The following ST8SIA6 variants were observed in gnomAD, a reference collection of about 807,000 sequenced individuals.
ST8SIA6 encodes alpha-2,8-sialyltransferase 8F.
Under a neutral mutation model 33.6 loss-of-function variants are expected in ST8SIA6, and 39 were observed. That is an observed-to-expected ratio of 1.16 (90% CI 0.90 to 1.52). The LOEUF (loss-of-function observed/expected upper bound fraction) is 1.52, where lower values mean the gene tolerates loss of function less well. ST8SIA6 is among the 40% of genes most tolerant of loss of function. The pLI, the probability that ST8SIA6 is intolerant of heterozygous loss-of-function variation, is 0.00. For missense variants in ST8SIA6, 441 were observed against 443.8 expected, an observed-to-expected ratio of 0.99 and a Z score of 0.06; for synonymous variants, 172 against 167.2, an observed-to-expected ratio of 1.03 and a Z score of -0.22.
chr10:17,399,982 CT>C (rs1850977572), intron 2 of ST8SIA6, among the ~76,000 whole-genome samples: 1 of 150,992 alleles, frequency 6.6e-6, no homozygotes, highest in Non-Finnish European at 1.5e-5. Context: ...TGTGTGAAAG[CT>C]TTTATTTTAC....
intron 4 of ST8SIA6, among the ~76,000 whole-genome samples, chr10:17,353,519 A>G (rs1288112212): frequency 1.3e-5 from 2 of 152,212 alleles, no homozygotes; most frequent in African/African-American, 4.8e-5. Context: ...CTGTTATTTT[A>G]GAAATATCAA....
intron 3 of ST8SIA6, among the ~76,000 whole-genome samples, chr10:17,367,230 T>C (rs147051988): frequency 6.6e-6 from 1 of 152,152 alleles, no homozygotes; most frequent in African/African-American, 2.4e-5. Context: ...GAACTCACAG[T>C]TCACCATGGC....
Position 17,320,962 on chromosome 10 carries a change from C to G in ST8SIA6, c.1113G>C (p.Gln371His). 1 of 1,614,088 alleles carries G rather than the reference C, an allele frequency of 6.2e-7. No homozygotes were observed. The highest frequency in any genetic ancestry group is 1.1e-5 in the South Asian group (1 of 91,084). Residue 371 changes from glutamine (Q) to histidine (H), a missense_variant, in exon 8 of 8, where the codon CAG becomes CAC. Physicochemically the swap from Gln to His is conservative, Grantham distance 24. Transcript: ENST00000377602. ...GGATCTGGCTGTATTCTTTGGGCAT[C>G]TGATGGAAACCATGTTTAGGTAGCT... ...DNKLPKHGFHQMPKEYSQILQ... is the reference protein window; with the variant it reads ...DNKLPKHGFHHMPKEYSQILQ...
chr10:17,425,210 A>G (rs997872312), intron 2 of ST8SIA6, among the ~76,000 whole-genome samples: 2 of 152,162 alleles, frequency 1.3e-5, no homozygotes, highest in Non-Finnish European at 2.9e-5. Flanking sequence ...CTCGAGTGGC[A>G]GGATACATGT....
At chr10:17,418,947 C>T (rs1260088681) in intron 2 of ST8SIA6, among the ~76,000 whole-genome samples, 5 of 139,748 alleles carry the variant, frequency 3.6e-5, no homozygotes, top group Admixed American at 1.5e-4. Context: ...GAGCGGAGAT[C>T]GTGCCACTGC....
intron 2 of ST8SIA6, among the ~76,000 whole-genome samples, chr10:17,450,883 A>AACACACACACAC (rs569111312): frequency 1.3e-5 from 2 of 151,134 alleles, no homozygotes; most frequent in Admixed American, 1.3e-4. Context: ...TGAATATTTG[A>AACACACACACAC]ACACACACAC....
intron 2 of ST8SIA6, among the ~76,000 whole-genome samples, chr10:17,422,058 T>G (rs995969585): frequency 1.3e-5 from 2 of 151,976 alleles, no homozygotes; most frequent in Non-Finnish European, 2.9e-5. Flanking sequence ...TACATAAAGA[T>G]AACTTCAATC....
chr10:17,447,341 G>A (rs929559745), intron 2 of ST8SIA6, among the ~76,000 whole-genome samples: 1 of 152,100 alleles, frequency 6.6e-6, no homozygotes, highest in African/African-American at 2.4e-5. Flanking sequence ...AGGAGGCGGA[G>A]GTTGCAGTGA....
chr10:17,318,079 A>C lies in ST8SIA6; in HGVS notation c.*2799T>G, dbSNP rs1379494992. Reference sequence around the variant, plus strand: ...GCCTTTGGATTTGGCTGAAAATTATATTGGAATCTTGTTATTCTGTTTCAT... The same window carrying C: ...GCCTTTGGATTTGGCTGAAAATTATCTTGGAATCTTGTTATTCTGTTTCAT... On this transcript the variant is annotated 3_prime_UTR_variant, in exon 8 of 8. Coordinates refer to ENST00000377602, the MANE Select transcript of ST8SIA6 (RefSeq NM_001004470.3). Among the ~76,000 whole-genome samples the C allele has an allele frequency of 6.6e-6, 1 of 152,228 alleles. No homozygotes were observed. Among genetic ancestry groups the C allele is most frequent in the African/African-American group, 2.4e-5 (1 of 41,466 alleles).
intron 3 of ST8SIA6, among the ~76,000 whole-genome samples, chr10:17,385,910 T>C (rs911493957): frequency 6.6e-6 from 1 of 152,192 alleles, no homozygotes; most frequent in African/African-American, 2.4e-5. Context: ...TCAGATTTTC[T>C]GGGTTCAAGT....
At chr10:17,356,389 CTT>C (rs56763058) in intron 4 of ST8SIA6, among the ~76,000 whole-genome samples, 19 of 142,444 alleles carry the variant, frequency 1.3e-4, no homozygotes, top group Admixed American at 2.1e-4. Context: ...CAGAGGTTTA[CTT>C]TTTTTTTTTT....
At chr10:17,366,760 CATCCCTA>C in intron 3 of ST8SIA6, among the ~76,000 whole-genome samples, 1 of 152,244 alleles carries the variant, frequency 6.6e-6, no homozygotes, top group African/African-American at 2.4e-5. Context: ...AAGATGCAGT[CATCCCTA>C]ATCCCAGCCC....
At chr10:17,374,730 A>T (rs1849844296) in intron 3 of ST8SIA6, among the ~76,000 whole-genome samples, 1 of 78,576 alleles carries the variant, frequency 1.3e-5, no homozygotes, top group African/African-American at 4.4e-5. Context: ...AAATAAATAA[A>T]TAAATAAATA....
intron 4 of ST8SIA6, among the ~76,000 whole-genome samples, chr10:17,355,485 T>C (rs2131612982): frequency 6.6e-6 from 1 of 152,300 alleles, no homozygotes; most frequent in South Asian, 2.1e-4. Context: ...AACAAGATAA[T>C]GCCATGTCCC....
Position 17,323,145 on chromosome 10 carries a change from G to C in ST8SIA6, c.648C>G (p.Pro216=). 1 of 1,613,062 alleles carries C rather than the reference G, an allele frequency of 6.2e-7. No individual in the cohort carries two copies. Among genetic ancestry groups the C allele is most frequent in the Non-Finnish European group, 8.5e-7 (1 of 1,179,558 alleles). The change falls in exon 7 of 8, where the codon CCC becomes CCG. Residue 216 remains proline (P), a synonymous_variant. Transcript: ENST00000377602. ...KSDFVFRCNL[P]PTTGDVSKDV... ...CTTTACTAACATCTCCTGTGGTTGG[G>C]GGTAGGTTACACCTGAAATTTGAAA...
chr10:17,356,808 T>G (rs1434998557), intron 4 of ST8SIA6, among the ~76,000 whole-genome samples: 1 of 152,074 alleles, frequency 6.6e-6, no homozygotes, highest in Non-Finnish European at 1.5e-5. Flanking sequence ...GGCTGTACCC[T>G]CCATGGACCA....
intron 6 of ST8SIA6, 72 bp from the exon 7 acceptor site, chr10:17,323,229 G>GCGCACTCACACA: frequency 1.3e-6 from 1 of 793,956 alleles, no homozygotes; most frequent in Non-Finnish European, 2.1e-6. Flanking sequence ...ACATATGCGC[G>GCGCACTCACACA]CACACACACA....
At chr10:17,379,337 G>A (rs983817560) in intron 3 of ST8SIA6, among the ~76,000 whole-genome samples, 7 of 150,408 alleles carry the variant, frequency 4.7e-5, no homozygotes, top group African/African-American at 1.7e-4. Context: ...AAAGGAGAGG[G>A]TGAGAGACCT....
Position 17,359,620 on chromosome 10 carries a change from A to C in ST8SIA6, c.291-20T>G. On this transcript the variant is annotated intron_variant, in intron 3 of 7. Coordinates refer to ENST00000377602, the MANE Select transcript of ST8SIA6 (RefSeq NM_001004470.3). ...GAATACCTAAAAATTAAATGTCAAT[A>C]TAATTAGAAAATAATGATCTCATAT... is the stretch of plus-strand genomic sequence containing the variant. The C allele has an allele frequency of 6.8e-7, 1 of 1,465,420 alleles. No homozygotes were observed. The highest frequency in any genetic ancestry group is 9.4e-7 in the Non-Finnish European group (1 of 1,060,196). 90.8% of individuals were successfully genotyped at this position (1,465,420 alleles called of 1,614,324 possible).
Sources: gnomAD v4.1 joint callset for allele counts (sites outside exome capture counted in the v4.1 genomes callset) on GRCh38, gnomAD v4.1.1 for gene constraint, MANE v1.5 for transcripts, NCBI Gene and HGNC (gene_info 2026-07-23, HGNC 2026-07-21) for gene names.